BTBD10: variants seen among roughly 807,000 people sequenced by gnomAD.
BTBD10 encodes BTB/POZ domain-containing protein 10.
Under a neutral mutation model 53.2 loss-of-function variants are expected in BTBD10, and 21 were observed. The observed-to-expected ratio is 0.39, with a 90% CI of 0.28 to 0.57. BTBD10 has a LOEUF of 0.57. BTBD10 is among the 20% of genes least tolerant of loss of function. The pLI is 0.53. For synonymous variants in BTBD10, 149 were observed against 192.7 expected (o/e 0.77, Z 1.88); for missense variants, 360 against 594.7 (o/e 0.61, Z 4.10).
intron 8 of BTBD10, among the ~76,000 whole-genome samples, chr11:13,400,522 C>T (rs568200951): frequency 7.3e-4 from 111 of 152,336 alleles, no homozygotes; most frequent in African/African-American, 2.5e-3. Flanking sequence ...CGCCCTGCTT[C>T]GGCTCACGCA....
At chr11:13,411,151 TTTG>T (rs1050279393) in intron 6 of BTBD10, among the ~76,000 whole-genome samples, 11 of 152,184 alleles carry the variant, frequency 7.2e-5, no homozygotes, top group Non-Finnish European at 4.4e-5. Context: ...CAGCAAACAT[TTTG>T]TTGAGTCCTT....
intron 2 of BTBD10, among the ~76,000 whole-genome samples, chr11:13,422,486 A>C (rs1191505469): frequency 3.3e-5 from 5 of 152,142 alleles, no homozygotes; most frequent in Non-Finnish European, 7.4e-5. Flanking sequence ...TGTCTCTACT[A>C]AAAACACAAA....
intron 2 of BTBD10, among the ~76,000 whole-genome samples, chr11:13,441,497 T>G (rs1190421977): frequency 6.6e-6 from 1 of 152,096 alleles, no homozygotes; most frequent in Non-Finnish European, 1.5e-5. Context: ...AAATGATTTT[T>G]TAAAGTACCT....
At chr11:13,399,842 G>A (rs925050229) in intron 8 of BTBD10, among the ~76,000 whole-genome samples, 1 of 152,194 alleles carries the variant, frequency 6.6e-6, no homozygotes, top group Non-Finnish European at 1.5e-5. Context: ...GGTATCAGCA[G>A]CAGTGCCTAC....
chr11:13,391,944 T>C (rs1174629926), intron 8 of BTBD10, among the ~76,000 whole-genome samples: 1 of 152,020 alleles, frequency 6.6e-6, no homozygotes, highest in South Asian at 2.1e-4. Context: ...CCCTGTCAGA[T>C]AGATGGATAA....
chr11:13,455,216 T>C (rs1257252629), intron 1 of BTBD10, among the ~76,000 whole-genome samples: 2 of 152,206 alleles, frequency 1.3e-5, no homozygotes, highest in African/African-American at 2.4e-5. Flanking sequence ...CCCAGCCCTG[T>C]TGTCCACTTA....
In BTBD10 at chr11:13,453,622, T is replaced by C. The variant is rs567807112; in HGVS notation, c.-57-8441A>G. Among the ~76,000 whole-genome samples the C allele has an allele frequency of 5.9e-5, 9 of 152,342 alleles. No individual in the cohort carries two copies. The South Asian group carries it at 6.2e-4, about 11-fold the overall frequency. On this transcript the variant is annotated intron_variant, in intron 1 of 8. Transcript: ENST00000278174. ...CTTAAATATAGTCACTACATATGCA[T>C]TGATAGAATATGTTTCTGCCACATG...
chr11:13,429,938 C>CA (rs142686420), intron 2 of BTBD10, among the ~76,000 whole-genome samples: 23,861 of 151,660 alleles, frequency 0.16, 2,065 homozygotes, highest in Admixed American at 0.24. Flanking sequence ...ACCATTTCTA[C>CA]AAAAAAATTT....
At chr11:13,462,247 A>C (rs1364454954) in intron 1 of BTBD10, among the ~76,000 whole-genome samples, 1 of 152,202 alleles carries the variant, frequency 6.6e-6, no homozygotes, top group Non-Finnish European at 1.5e-5. Flanking sequence ...CAGTTGTCCA[A>C]ATACAATTAA....
chr11:13,394,329 G>A (rs879463914), intron 8 of BTBD10, among the ~76,000 whole-genome samples: 1 of 152,160 alleles, frequency 6.6e-6, no homozygotes, highest in Non-Finnish European at 1.5e-5. Flanking sequence ...GTGATAGTGA[G>A]TGCTCATGAG....
At chr11:13,443,901 A>C (rs1005280935) in intron 2 of BTBD10, among the ~76,000 whole-genome samples, 7 of 152,076 alleles carry the variant, frequency 4.6e-5, no homozygotes, top group African/African-American at 1.7e-4. Flanking sequence ...CATATCTTTA[A>C]TCTAAATGAC....
At chr11:13,405,467 T>G in intron 7 of BTBD10, 192 bp downstream of exon 7, 1 of 596,706 alleles carries the variant, frequency 1.7e-6, no homozygotes, top group South Asian at 2.1e-5. Flanking sequence ...GCCATGCAGT[T>G]TCTGTTACAA....
intron 2 of BTBD10, among the ~76,000 whole-genome samples, chr11:13,423,207 ACT>A (rs944789227): frequency 6.6e-6 from 1 of 152,212 alleles, no homozygotes; most frequent in African/African-American, 2.4e-5. Context: ...TTGGAAATTT[ACT>A]GTTAGCATAT....
intron 8 of BTBD10, among the ~76,000 whole-genome samples, chr11:13,393,737 T>G (rs1426728667): frequency 6.6e-6 from 1 of 152,198 alleles, no homozygotes; most frequent in Non-Finnish European, 1.5e-5. Flanking sequence ...TAATATTGGC[T>G]ATTTAAGTGG....
Position 13,440,061 on chromosome 11 carries a change from G to GATT in BTBD10, c.101+4962_101+4963insAAT. Reference sequence around the variant, plus strand: ...TTTCCATCATCTTCAAGATTCCTCTGAACAATCAGAAAATTCCCCAGTCTC... The same window carrying GATT: ...TTTCCATCATCTTCAAGATTCCTCTGATTAACAATCAGAAAATTCCCCAGTCTC... On this transcript the variant is annotated intron_variant, in intron 2 of 8. Coordinates refer to ENST00000278174, the MANE Select transcript of BTBD10 (RefSeq NM_032320.7). 2.6e-6 allele frequency: 4 copies of GATT among 1,529,130 alleles called. No homozygotes were observed. In the South Asian group the frequency reaches 4.8e-5, roughly 18 times the overall value. 94.7% of individuals were successfully genotyped at this position (1,529,130 alleles called of 1,614,324 possible). A position where few individuals can be genotyped will look rare whatever the true frequency, so the allele number is the denominator to read the frequency against.
chr11:13,391,125 T>A (rs1235285751), intron 8 of BTBD10, among the ~76,000 whole-genome samples: 1 of 152,214 alleles, frequency 6.6e-6, no homozygotes, highest in African/African-American at 2.4e-5. Flanking sequence ...TCCTCGTGCT[T>A]AATTGGAAGG....
intron 5 of BTBD10, among the ~76,000 whole-genome samples, chr11:13,414,261 A>G (rs761427793): frequency 6.6e-6 from 1 of 152,220 alleles, no homozygotes; most frequent in Non-Finnish European, 1.5e-5. Flanking sequence ...ACAACCCCAG[A>G]ATCACAGATA....
At chr11:13,444,086 T>C (rs946925798) in intron 2 of BTBD10, among the ~76,000 whole-genome samples, 21 of 152,106 alleles carry the variant, frequency 1.4e-4, no homozygotes, top group African/African-American at 4.3e-4. Context: ...CTCATAACAT[T>C]AAAAGTCCAC....
Position 13,461,600 on chromosome 11 carries a change from A to T in BTBD10, c.-58+1492T>A, listed in dbSNP as rs527285658. Among the ~76,000 whole-genome samples the T allele has an allele frequency of 2.1e-3, 313 of 152,334 alleles. 1 individual carries two copies. Among genetic ancestry groups the T allele is most frequent in the Non-Finnish European group, 1.6e-3 (106 of 68,028 alleles). ...TTTGCAACTCCATAGTTAATAATTT[A>T]AAAAATTCACATGGCTTAGAGGGAG... On this transcript the variant is annotated intron_variant, in intron 1 of 8. Transcript: ENST00000278174.
Sources: allele counts gnomAD v4.1 joint callset (sites outside exome capture counted in the v4.1 genomes callset), GRCh38; gene constraint gnomAD v4.1.1; transcripts MANE v1.5; gene names NCBI Gene and HGNC (gene_info 2026-07-23, HGNC 2026-07-21).